NCAPD2: variants seen among roughly 807,000 people sequenced by gnomAD.
NCAPD2 encodes the protein non-SMC condensin I complex subunit D2.
A neutral mutation model predicts 164.5 loss-of-function variants in NCAPD2; 100 were observed. The ratio of observed to expected loss-of-function variants is 0.61; its 90% CI spans 0.52 to 0.72. The LOEUF (loss-of-function observed/expected upper bound fraction) is 0.72, where lower values mean the gene tolerates loss of function less well. Among genes scored for constraint, NCAPD2 ranks in the 30% least tolerant of loss-of-function variants. The pLI, the probability that NCAPD2 is intolerant of heterozygous loss-of-function variation, is 0.00. For synonymous variants in NCAPD2, 585 were observed against 642.6 expected (o/e 0.91, Z 1.36); for missense variants, 1,560 against 1,749.2 (o/e 0.89, Z 1.93).
At chr12:6,509,582 C>T (rs1946127236) in intron 2 of NCAPD2, 135 bp from the exon 3 acceptor site, 3 of 845,276 alleles carry the variant, frequency 3.5e-6, no homozygotes, top group Admixed American at 3.8e-5. Flanking sequence ...TTATAGGTTA[C>T]ATTGAAGTGA....
intron 2 of NCAPD2, among the ~76,000 whole-genome samples, chr12:6,509,455 G>A (rs1946125821): frequency 6.6e-6 from 1 of 151,986 alleles, no homozygotes; most frequent in East Asian, 1.9e-4. Context: ...TAGAGATGGG[G>A]TCTCACGATG....
chr12:6,529,431 TG>T, intron 27 of NCAPD2, 81 bp from the exon 28 acceptor site: 1 of 1,231,760 alleles, frequency 8.1e-7, no homozygotes, highest in Non-Finnish European at 1.2e-6. Context: ...AGACGAGTGC[TG>T]GGGGAGGGTC....
At position 6,521,864 on chromosome 12, in the gene NCAPD2, C is replaced by T. The variant is rs752439922; in HGVS notation, c.1781C>T (p.Thr594Ile). ...ACAGGAAACATGGTCACAGGACAGA[C>T]TGTCTGTAAAAATAAACCCAATATG... ...ESTGNMVTGQ[T>I]VCKNKPNMSD... Residue 594 changes from threonine to isoleucine, a missense_variant, in exon 15 of 32, where the codon ACT becomes ATT. Transcript: ENST00000315579. The T allele has an allele frequency of 7.4e-6, 12 of 1,614,086 alleles. No homozygotes were observed. The South Asian group carries it at 1.2e-4, about 16-fold the overall frequency.
chr12:6,518,495 C>T (rs545307816), intron 13 of NCAPD2, among the ~76,000 whole-genome samples: 7 of 75,922 alleles, frequency 9.2e-5, no homozygotes, highest in East Asian at 3.4e-4. Context: ...CCCTTACAGC[C>T]GTCAACAAGT....
intron 6 of NCAPD2, among the ~76,000 whole-genome samples, chr12:6,512,048 G>T (rs1946153818): frequency 6.6e-6 from 1 of 151,972 alleles, no homozygotes; most frequent in Non-Finnish European, 1.5e-5. Context: ...TTGGGAGGCT[G>T]AGGCAGGTGG....
intron 13 of NCAPD2, among the ~76,000 whole-genome samples, chr12:6,518,504 G>GTTTTTTATT (rs1946226490): frequency 2.2e-5 from 1 of 44,774 alleles, no homozygotes; most frequent in East Asian, 6.3e-4. Flanking sequence ...CCGTCAACAA[G>GTTTTTTATT]TTTTTTTTTT....
chr12:6,495,012 T>C, intron 1 of NCAPD2, 64 bp from the exon 2 acceptor site: 1 of 1,524,618 alleles, frequency 6.6e-7, no homozygotes, highest in Non-Finnish European at 8.9e-7. Flanking sequence ...GGGAAAGTAA[T>C]AGAACCAGAT....
Position 6,526,582 on chromosome 12 carries a change from C to T in NCAPD2, c.2701C>T (p.Leu901=). The change falls in exon 21 of 32, where the codon CTA becomes TTA. Residue 901 remains leucine, a synonymous_variant. Transcript: ENST00000315579. ...CTGTGCAAAACAGGCCCTGGAGAAG[C>T]TAGAAGAGAAGAGAACCAGTCAGGA... The part of the protein sequence containing the change: ...QGCAKQALEK[L]EEKRTSQEDP... The T allele has an allele frequency of 6.2e-7, 1 of 1,614,066 alleles. No homozygotes were observed. Among genetic ancestry groups the T allele is most frequent in the South Asian group, 1.1e-5 (1 of 91,084 alleles).
chr12:6,509,226 AAC>A (rs1411311742), intron 2 of NCAPD2, among the ~76,000 whole-genome samples: 1 of 152,166 alleles, frequency 6.6e-6, no homozygotes, highest in African/African-American at 2.4e-5. Flanking sequence ...CTTTAATTGT[AAC>A]ACAAATATAA....
intron 2 of NCAPD2, among the ~76,000 whole-genome samples, chr12:6,502,226 A>C (rs2137037920): frequency 1.3e-5 from 2 of 151,800 alleles, no homozygotes; most frequent in Middle Eastern, 3.4e-3. Flanking sequence ...AAAAAAAGGC[A>C]GAGTGTATGT....
rs901420405 is a variant in NCAPD2 at position 6,524,823 on chromosome 12, C to A, written c.2215-760C>A. Among the ~76,000 whole-genome samples the A allele has an allele frequency of 2.6e-5, 4 of 152,118 alleles. No homozygotes were observed. The East Asian group carries it at 5.8e-4, about 22-fold the overall frequency. ...CTTTGTAGCATTTGCATTGCGGGCA[C>A]AGAGAGTGGAGGTGGCGCTGGGAAG... On this transcript the variant is annotated intron_variant, in intron 17 of 31. Coordinates refer to ENST00000315579, the MANE Select transcript of NCAPD2 (RefSeq NM_014865.4).
chr12:6,527,852 C>A lies in NCAPD2; in HGVS notation c.2983C>A (p.Leu995Ile). Residue 995 changes from leucine to isoleucine, a missense_variant, in exon 23 of 32, where the codon CTA becomes ATA. Physicochemically the swap from Leu to Ile is conservative, Grantham distance 5 (BLOSUM62 2). Transcript: ENST00000315579. ...AACAGCAGATGACACAGAGGCAGAA[C>A]TAATCCGTGGCATCTGCGAGATGGA... ...GATADDTEAE[L>I]IRGICEMELL... 1 of 1,613,892 alleles carries A rather than the reference C, an allele frequency of 6.2e-7. No individual in the cohort carries two copies. The highest frequency in any genetic ancestry group is 8.5e-7 in the Non-Finnish European group (1 of 1,179,764).
intron 6 of NCAPD2, 95 bp from the exon 7 acceptor site, chr12:6,514,170 T>C: frequency 6.5e-7 from 1 of 1,527,674 alleles, no homozygotes; most frequent in East Asian, 2.3e-5. Context: ...AAACCCTGAC[T>C]TTGGGAGCAG....
Position 6,520,976 on chromosome 12 carries a change from G to C in NCAPD2, c.1590-10G>C, listed in dbSNP as rs778456450. ...TTCTTCTGGGTACTGACAGGCTGGT[G>C]TTCTTTCAGAAAGGCCATCATTCTC... On this transcript the variant is annotated splice_polypyrimidine_tract_variant and intron_variant, in intron 13 of 31. Coordinates refer to ENST00000315579, the MANE Select transcript of NCAPD2 (RefSeq NM_014865.4). 6.2e-7 allele frequency: 1 copy of C among 1,613,678 alleles called. No individual in the cohort carries two copies. Among genetic ancestry groups the C allele is most frequent in the Non-Finnish European group, 8.5e-7 (1 of 1,179,852 alleles).
At chr12:6,519,698 C>T (rs1946246801) in intron 13 of NCAPD2, among the ~76,000 whole-genome samples, 1 of 152,074 alleles carries the variant, frequency 6.6e-6, no homozygotes, top group African/African-American at 2.4e-5. Flanking sequence ...CTATGTGTCT[C>T]AGTGGTTTTT....
rs1345974608 is a variant in NCAPD2 at position 6,531,501 on chromosome 12, C to G, written c.*89C>G. 2 of 1,527,830 alleles carry G rather than the reference C, an allele frequency of 1.3e-6. No homozygotes were observed. The highest frequency in any genetic ancestry group is 1.8e-6 in the Non-Finnish European group (2 of 1,142,510). 94.6% of individuals were successfully genotyped at this position (1,527,830 alleles called of 1,614,324 possible). ...TTTCCCTTGTAAAATATTTGTCTGT[C>G]TCTTTTTTTTAAAAAAAAAAAAGGC... is the stretch of plus-strand genomic sequence containing the variant. On this transcript the variant is annotated 3_prime_UTR_variant, in exon 32 of 32. Transcript: ENST00000315579. This position sits in a 1 kb window ranked among gnomAD's most constrained non-coding sequence, Gnocchi z 4.1.
rs1439529085 is a variant in NCAPD2 at position 6,514,512 on chromosome 12, C to T, written c.764C>T (p.Ala255Val). 1.2e-6 allele frequency: 2 copies of T among 1,614,216 alleles called. No individual in the cohort carries two copies. Among genetic ancestry groups the T allele is most frequent in the Non-Finnish European group, 1.7e-6 (2 of 1,180,038 alleles). The change falls in exon 8 of 32, where the codon GCA (alanine) becomes GTA (valine). Residue 255 changes from alanine (A) to valine (V), a missense_variant. By Grantham distance (64) the Ala-to-Val change is moderately conservative (BLOSUM62 0). Coordinates refer to ENST00000315579, the MANE Select transcript of NCAPD2 (RefSeq NM_014865.4). ...IQMLQHFEHL[A>V]PVLVAAVSLW... is the part of the protein sequence containing the mutation. Reference sequence around the variant, plus strand: ...ATGCTGCAGCACTTTGAACACCTGGCACCTGTACTGGTTGCAGCCGTGAGT... The same window carrying T: ...ATGCTGCAGCACTTTGAACACCTGGTACCTGTACTGGTTGCAGCCGTGAGT...
Position 6,530,676 on chromosome 12 carries a change from C to T in NCAPD2, c.3838-15C>T. 1 of 1,613,816 alleles carries T rather than the reference C, an allele frequency of 6.2e-7. No homozygotes were observed. The highest frequency in any genetic ancestry group is 8.5e-7 in the Non-Finnish European group (1 of 1,179,950). ...TGTTTTCAGGCCTGCTCTGAATCTC[C>T]TTTTCTCCCTCCAGGCTATAATAGA... On this transcript the variant is annotated splice_polypyrimidine_tract_variant and intron_variant, in intron 29 of 31. Coordinates refer to ENST00000315579, the MANE Select transcript of NCAPD2 (RefSeq NM_014865.4).
chr12:6,531,204 C>G lies in NCAPD2; in HGVS notation c.4121-123C>G. On this transcript the variant is annotated intron_variant, in intron 31 of 31. Coordinates refer to ENST00000315579, the MANE Select transcript of NCAPD2 (RefSeq NM_014865.4). The surrounding 1 kb of genome is among the most constrained non-coding windows in gnomAD (Gnocchi z 4.1). ...GCCCCACTGCCGCAGAAGGGCCTCT[C>G]CTGTACAGCTTGGATTTTATTTCTT... 1 of 1,485,446 alleles carries G rather than the reference C, an allele frequency of 6.7e-7. No homozygotes were observed. The highest frequency in any genetic ancestry group is 9.2e-7 in the Non-Finnish European group (1 of 1,081,224). 92.0% of individuals were successfully genotyped at this position (1,485,446 alleles called of 1,614,324 possible). A position where few individuals can be genotyped will look rare whatever the true frequency, so the allele number is the denominator to read the frequency against.
Sources: allele counts gnomAD v4.1 joint callset (sites outside exome capture counted in the v4.1 genomes callset), GRCh38; gene constraint gnomAD v4.1.1; non-coding constraint Gnocchi (gnomAD v3.1); transcripts MANE v1.5; gene names NCBI Gene and HGNC (gene_info 2026-07-23, HGNC 2026-07-21).